Variants in LRRTM4 observed in about 807,000 individuals in gnomAD.
The protein encoded by LRRTM4 is leucine-rich repeat transmembrane neuronal protein 4.
Under a neutral mutation model 47.6 loss-of-function variants are expected in LRRTM4, and 25 were observed. The observed-to-expected ratio is 0.53, with a 90% confidence interval of 0.38 to 0.73. The LOEUF (loss-of-function observed/expected upper bound fraction) is 0.73. Ranked by LOEUF, LRRTM4 falls within the 30% of genes least tolerant of loss-of-function variation. LRRTM4 has a pLI of 0.00. For missense variants in LRRTM4, 638 were observed against 713.4 expected (o/e 0.89, Z 1.20); for synonymous variants, 311 against 269.5 (o/e 1.15, Z -1.51).
intron 3 of LRRTM4, among the ~76,000 whole-genome samples, chr2:77,453,932 G>T (rs1241330476): frequency 6.6e-6 from 1 of 151,840 alleles, no homozygotes; most frequent in Admixed American, 6.6e-5. Context: ...ATTTTCTAGA[G>T]CAATTTCTTT....
intron 3 of LRRTM4, among the ~76,000 whole-genome samples, chr2:77,034,826 C>T (rs1445205515): frequency 6.6e-6 from 1 of 151,820 alleles, no homozygotes; most frequent in Non-Finnish European, 1.5e-5. Context: ...TTATGACATT[C>T]TAATTCTAAT....
chr2:76,835,503 A>G (rs987923358), intron 3 of LRRTM4, among the ~76,000 whole-genome samples: 3 of 152,120 alleles, frequency 2.0e-5, no homozygotes, highest in Non-Finnish European at 4.4e-5. Flanking sequence ...CTTTCTGACT[A>G]AGAAATGTCA....
intron 3 of LRRTM4, among the ~76,000 whole-genome samples, chr2:77,290,208 G>A (rs1386129865): frequency 2.0e-5 from 3 of 151,950 alleles, no homozygotes; most frequent in Non-Finnish European, 2.9e-5. Flanking sequence ...GTCACTATAT[G>A]ATATTAATTC....
At chr2:76,917,656 A>T (rs1674299876) in intron 3 of LRRTM4, among the ~76,000 whole-genome samples, 1 of 152,188 alleles carries the variant, frequency 6.6e-6, no homozygotes, top group African/African-American at 2.4e-5. Flanking sequence ...AGGAGCTAGG[A>T]AGCTCTAGTT....
intron 3 of LRRTM4, among the ~76,000 whole-genome samples, chr2:77,274,170 A>C (rs1302125046): frequency 6.6e-6 from 1 of 151,908 alleles, no homozygotes; most frequent in Admixed American, 6.6e-5. Context: ...TACACACACA[A>C]TTAAGACATT....
At chr2:76,963,867 A>T (rs1167001174) in intron 3 of LRRTM4, among the ~76,000 whole-genome samples, 1 of 150,752 alleles carries the variant, frequency 6.6e-6, no homozygotes, top group Non-Finnish European at 1.5e-5. Flanking sequence ...GAATATTACC[A>T]TAATTATATA....
intron 3 of LRRTM4, among the ~76,000 whole-genome samples, chr2:76,767,827 T>C (rs926204814): frequency 9.2e-5 from 14 of 152,208 alleles, no homozygotes; most frequent in Non-Finnish European, 1.9e-4. Context: ...GGTTTGTCTC[T>C]GGCACCTAAA....
At chr2:77,027,867 A>G (rs1678509119) in intron 3 of LRRTM4, among the ~76,000 whole-genome samples, 1 of 152,126 alleles carries the variant, frequency 6.6e-6, no homozygotes, top group African/African-American at 2.4e-5. Context: ...GAATATGTTC[A>G]ATACAGTCCC....
At chr2:76,771,102 G>C (rs1016357486) in intron 3 of LRRTM4, among the ~76,000 whole-genome samples, 1 of 150,518 alleles carries the variant, frequency 6.6e-6, no homozygotes, top group Non-Finnish European at 1.5e-5. Flanking sequence ...TTGTACTTTA[G>C]TTTCTAATCC....
chr2:76,876,840 C>G (rs1293671199), intron 3 of LRRTM4, among the ~76,000 whole-genome samples: 2 of 152,066 alleles, frequency 1.3e-5, no homozygotes, highest in East Asian at 3.9e-4. Flanking sequence ...AGAAATCACT[C>G]TGTACCTTGG....
intron 3 of LRRTM4, among the ~76,000 whole-genome samples, chr2:77,367,839 T>G (rs1672517798): frequency 6.6e-6 from 1 of 151,826 alleles, no homozygotes; most frequent in African/African-American, 2.4e-5. Flanking sequence ...ATTAACAAAT[T>G]CCATTTGTTG....
chr2:77,160,642 G>T (rs1460687009), intron 3 of LRRTM4, among the ~76,000 whole-genome samples: 1 of 152,082 alleles, frequency 6.6e-6, no homozygotes, highest in East Asian at 1.9e-4. Flanking sequence ...CTGACAGCTT[G>T]TGCTTTATTT....
intron 3 of LRRTM4, among the ~76,000 whole-genome samples, chr2:77,449,844 C>G (rs1009028770): frequency 3.3e-5 from 5 of 152,190 alleles, no homozygotes; most frequent in African/African-American, 1.2e-4. Context: ...AATGTCACCT[C>G]AATTCCCGTC....
Position 76,748,428 on chromosome 2 carries a change from C to T in LRRTM4, c.*267G>A, listed in dbSNP as rs1248727414. On this transcript the variant is annotated 3_prime_UTR_variant, in exon 4 of 4. Coordinates refer to ENST00000409884, the MANE Select transcript of LRRTM4 (RefSeq NM_001134745.3). ...AATCTATTTTTATAAGAACTTGACACTCTTACTATTTACATCCGGGAGCAT... is the reference window on the plus strand; with the variant it reads ...AATCTATTTTTATAAGAACTTGACATTCTTACTATTTACATCCGGGAGCAT... 10 of 474,916 alleles carry T rather than the reference C, an allele frequency of 2.1e-5. No homozygotes were observed. The highest frequency in any genetic ancestry group is 3.9e-5 in the East Asian group (1 of 25,932). 29.4% of individuals were successfully genotyped at this position (474,916 alleles called of 1,614,324 possible).
At chr2:77,019,347 T>C (rs772128318) in intron 3 of LRRTM4, among the ~76,000 whole-genome samples, 16 of 151,798 alleles carry the variant, frequency 1.1e-4, no homozygotes, top group Non-Finnish European at 1.9e-4. Context: ...CTGGAAGGCC[T>C]TAATGCCAGG....
intron 3 of LRRTM4, among the ~76,000 whole-genome samples, chr2:77,493,604 A>C (rs1338568621): frequency 6.6e-6 from 1 of 152,134 alleles, no homozygotes. Flanking sequence ...AGATATTTCA[A>C]TACAGCTTCA....
At chr2:77,008,402 G>A (rs1257984395) in intron 3 of LRRTM4, among the ~76,000 whole-genome samples, 2 of 152,036 alleles carry the variant, frequency 1.3e-5, no homozygotes, top group Non-Finnish European at 2.9e-5. Flanking sequence ...AGAATGTATG[G>A]TTCAGATTCT....
chr2:76,898,903 C>T (rs1320803834), intron 3 of LRRTM4, among the ~76,000 whole-genome samples: 1 of 151,640 alleles, frequency 6.6e-6, no homozygotes, highest in Non-Finnish European at 1.5e-5. Context: ...TTAATTTCTG[C>T]TTTTTCATTT....
At chr2:76,751,051 A>G (rs1462683637) in intron 3 of LRRTM4, among the ~76,000 whole-genome samples, 2 of 152,230 alleles carry the variant, frequency 1.3e-5, no homozygotes, top group South Asian at 4.1e-4. Context: ...ATGTATGTGC[A>G]TATCAATGTG....
Sources: gnomAD v4.1 joint callset for allele counts (sites outside exome capture counted in the v4.1 genomes callset) on GRCh38, gnomAD v4.1.1 for gene constraint, MANE v1.5 for transcripts, NCBI Gene and HGNC (gene_info 2026-07-23, HGNC 2026-07-21) for gene names.